Variants in COG5 observed in about 807,000 individuals in gnomAD.
The protein encoded by COG5 is conserved oligomeric Golgi complex subunit 5.
Under a neutral mutation model 110.4 loss-of-function variants are expected in COG5, and 86 were observed. That is an observed-to-expected ratio of 0.78 (90% CI 0.65 to 0.93). The LOEUF (loss-of-function observed/expected upper bound fraction) is 0.93, where lower values mean the gene tolerates loss of function less well. Among genes scored for constraint, COG5 ranks in the 40% least tolerant of loss-of-function variants. The pLI, the probability that COG5 is intolerant of heterozygous loss-of-function variation, is 0.00. For missense variants in COG5, 1,077 were observed against 987.0 expected (o/e 1.09, Z -1.22); for synonymous variants, 360 against 334.6 (o/e 1.08, Z -0.83).
chr7:107,506,928 T>C (rs964049016), intron 6 of COG5, among the ~76,000 whole-genome samples: 1 of 152,232 alleles, frequency 6.6e-6, no homozygotes, highest in Admixed American at 6.5e-5. Flanking sequence ...CTGGCGGACT[T>C]CCATGAGATA....
intron 7 of COG5, among the ~76,000 whole-genome samples, chr7:107,412,012 A>C (rs1271984178): frequency 6.6e-6 from 1 of 152,132 alleles, no homozygotes. Flanking sequence ...AAATTTTTTA[A>C]ATTATGGCAT....
chr7:107,495,841 A>C (rs1798238774), intron 6 of COG5, among the ~76,000 whole-genome samples: 1 of 152,194 alleles, frequency 6.6e-6, no homozygotes, highest in Non-Finnish European at 1.5e-5. Flanking sequence ...AACATAAAAG[A>C]AAGCAGAAAA....
intron 19 of COG5, among the ~76,000 whole-genome samples, chr7:107,223,523 G>C (rs1190721102): frequency 2.0e-5 from 3 of 152,214 alleles, no homozygotes; most frequent in African/African-American, 7.2e-5. Context: ...CATACATTTG[G>C]CTGAGTGTTC....
intron 6 of COG5, among the ~76,000 whole-genome samples, chr7:107,516,400 C>T (rs1162579473): frequency 6.6e-6 from 1 of 152,196 alleles, no homozygotes; most frequent in African/African-American, 2.4e-5. Flanking sequence ...ATATTTTCTC[C>T]TTGTCCACAG....
rs1792350689 is a variant in COG5, at chr7:107,412,191, T to C, written c.669+311A>G. Reference sequence around the variant, plus strand: ...TTACTGGGTTGTTGAAGGGCTTAAATGAGGAATCGTGCTTTAGACAAAGCA... The same window carrying C: ...TTACTGGGTTGTTGAAGGGCTTAAACGAGGAATCGTGCTTTAGACAAAGCA... On this transcript the variant is annotated intron_variant, in intron 7 of 21. Transcript: ENST00000297135. Among the ~76,000 whole-genome samples the C allele has an allele frequency of 3.3e-5, 5 of 152,274 alleles. No homozygotes were observed. The South Asian group carries it at 1.0e-3, about 32-fold the overall frequency.
rs557708303 is a variant in COG5 at position 107,554,331 on chromosome 7, T to C, written c.246A>G (p.Arg82=). The C allele has an allele frequency of 6.2e-7, 1 of 1,613,964 alleles. No homozygotes were observed. The highest frequency in any genetic ancestry group is 2.2e-5 in the East Asian group (1 of 44,872). ...TTGCTTGTGCCAGTAAATCTTCATG[T>C]CTTGCAACAACCTGAAAATCAAAAA... The part of the protein sequence containing the change: ...DRELHLQVVA[R]HEDLLAQATG... Residue 82 remains arginine, a synonymous_variant, in exon 3 of 22, where the codon AGA becomes AGG. Coordinates refer to ENST00000297135, the MANE Select transcript of COG5 (RefSeq NM_006348.5).
intron 6 of COG5, among the ~76,000 whole-genome samples, chr7:107,437,181 T>A: frequency 6.6e-6 from 1 of 152,188 alleles, no homozygotes; most frequent in East Asian, 1.9e-4. Context: ...TTAAAAACCA[T>A]GAATTTTTAC....
intron 6 of COG5, among the ~76,000 whole-genome samples, chr7:107,434,013 T>C (rs143178625): frequency 6.6e-5 from 10 of 152,264 alleles, no homozygotes; most frequent in Admixed American, 2.0e-4. Flanking sequence ...AAATAGACAT[T>C]TCTCTAAAGA....
chr7:107,508,627 C>A (rs930269686), intron 6 of COG5, among the ~76,000 whole-genome samples: 3 of 152,202 alleles, frequency 2.0e-5, no homozygotes, highest in African/African-American at 7.2e-5. Context: ...GGGAGGCACC[C>A]CCCAGTAGGG....
chr7:107,343,975 G>C (rs746418053), intron 10 of COG5, among the ~76,000 whole-genome samples: 1 of 151,388 alleles, frequency 6.6e-6, no homozygotes, highest in Non-Finnish European at 1.5e-5. Context: ...TCAATTTATA[G>C]AGCACAAGCA....
chr7:107,380,933 C>T (rs1480074035), intron 7 of COG5, among the ~76,000 whole-genome samples: 1 of 152,044 alleles, frequency 6.6e-6, no homozygotes, highest in African/African-American at 2.4e-5. Context: ...AAACCAAAAC[C>T]AGTAGCACAT....
chr7:107,334,073 A>C (rs1810494739), intron 10 of COG5, among the ~76,000 whole-genome samples: 1 of 152,196 alleles, frequency 6.6e-6, no homozygotes, highest in South Asian at 2.1e-4. Flanking sequence ...TATATATCCA[A>C]AGGAAAGGAA....
intron 19 of COG5, among the ~76,000 whole-genome samples, chr7:107,211,910 A>G (rs1799205462): frequency 6.6e-6 from 1 of 152,192 alleles, no homozygotes. Context: ...TATGGATGAG[A>G]GCTGATTAGA....
chr7:107,294,896 TGTGTG>T (rs1806492658), intron 12 of COG5, among the ~76,000 whole-genome samples: 1 of 69,192 alleles, frequency 1.4e-5, no homozygotes, highest in Admixed American at 1.6e-4. Flanking sequence ...TGTGTGTGTG[TGTGTG>T]TGTGTGTGTG....
chr7:107,307,910 A>G, intron 11 of COG5, among the ~76,000 whole-genome samples: 1 of 152,166 alleles, frequency 6.6e-6, no homozygotes, highest in Non-Finnish European at 1.5e-5. Context: ...AATTATTGAA[A>G]TAAAAATAAA....
At chr7:107,204,360 A>C (rs1466020173) in intron 21 of COG5, among the ~76,000 whole-genome samples, 1 of 152,180 alleles carries the variant, frequency 6.6e-6, no homozygotes, top group Admixed American at 6.5e-5. Context: ...TGGCCTGCAA[A>C]GTCTGAAATA....
chr7:107,449,790 G>T (rs2129092443), intron 6 of COG5, among the ~76,000 whole-genome samples: 1 of 152,248 alleles, frequency 6.6e-6, no homozygotes, highest in East Asian at 1.9e-4. Context: ...AAAAAGAAAA[G>T]AAAAATTGTG....
chr7:107,335,225 A>C (rs1343200281), intron 10 of COG5, among the ~76,000 whole-genome samples: 5 of 152,148 alleles, frequency 3.3e-5, no homozygotes, highest in Non-Finnish European at 5.9e-5. Context: ...CCCTGCCTCT[A>C]CTAAAAATAC....
chr7:107,229,552 A>C (rs1427016057), intron 19 of COG5, among the ~76,000 whole-genome samples: 1 of 152,214 alleles, frequency 6.6e-6, no homozygotes, highest in Non-Finnish European at 1.5e-5. Context: ...TTATCTTCTA[A>C]AAATCGGCTA....
Sources: allele counts gnomAD v4.1 joint callset (sites outside exome capture counted in the v4.1 genomes callset), GRCh38; gene constraint gnomAD v4.1.1; transcripts MANE v1.5; gene names NCBI Gene and HGNC (gene_info 2026-07-23, HGNC 2026-07-21).